The following CRISP1 variants were observed in gnomAD, a reference collection of about 807,000 sequenced individuals.
CRISP1 encodes cysteine rich secretory protein 1, also known as cysteine-rich secretory protein 1.
CRISP1 carries 44 observed loss-of-function variants against 33.1 expected under a neutral mutation model. That is an observed-to-expected ratio of 1.33 (90% CI 1.05 to 1.71). The LOEUF (loss-of-function observed/expected upper bound fraction) is 1.71. Among genes scored for constraint, CRISP1 ranks in the 40% most tolerant of loss-of-function variants. The pLI is 0.00. For synonymous variants in CRISP1, 103 were observed against 98.7 expected (o/e 1.04, Z -0.26); for missense variants, 390 against 301.2 (o/e 1.29, Z -2.18).
upstream of CRISP1, among the ~76,000 whole-genome samples, chr6:49,869,037 T>C (rs1582287643): frequency 6.6e-6 from 1 of 152,290 alleles, no homozygotes; most frequent in East Asian, 1.9e-4. Context: ...AACTTTGTTT[T>C]AGTTGTCTAC....
intron 1 of CRISP1, among the ~76,000 whole-genome samples, chr6:49,859,518 T>C (rs1180026167): frequency 6.6e-6 from 1 of 152,076 alleles, no homozygotes; most frequent in Admixed American, 6.6e-5. Context: ...GGGAATTTAC[T>C]ACCATTAGAC....
rs373852138 is a variant in CRISP1, at chr6:49,835,281, C to A, written c.*35G>T. 2 of 1,601,634 alleles carry A rather than the reference C, an allele frequency of 1.2e-6. No homozygotes were observed. The highest frequency in any genetic ancestry group is 3.4e-5 in the Admixed American group (2 of 58,724). ...AATCCAACAGACATCTCCTCCTCAT[C>A]GTCACAGCATAGAACAGTTGAAAAT... On this transcript the variant is annotated 3_prime_UTR_variant, in exon 8 of 8. Transcript: ENST00000335847.
intron 3 of CRISP1, among the ~76,000 whole-genome samples, chr6:49,850,531 G>A (rs1046808478): frequency 7.9e-5 from 12 of 151,836 alleles, no homozygotes; most frequent in Admixed American, 7.2e-4. Context: ...TGGTAATTGT[G>A]GTTAACTCTT....
intron 2 of CRISP1, among the ~76,000 whole-genome samples, chr6:49,854,559 A>G (rs1771441528): frequency 2.0e-5 from 3 of 152,128 alleles, no homozygotes; most frequent in African/African-American, 7.2e-5. Context: ...TAAAACAGAT[A>G]AACAAGCAAC....
At chr6:49,845,085 C>T (rs926684767) in intron 5 of CRISP1, among the ~76,000 whole-genome samples, 4 of 152,062 alleles carry the variant, frequency 2.6e-5, no homozygotes, top group Non-Finnish European at 4.4e-5. Flanking sequence ...GAATTCTTCC[C>T]CCAAAATTCG....
intron 1 of CRISP1, among the ~76,000 whole-genome samples, chr6:49,862,699 C>T (rs139942002): frequency 3.8e-4 from 57 of 151,850 alleles, no homozygotes; most frequent in Non-Finnish European, 7.2e-4. Flanking sequence ...GGCAACTATG[C>T]TAAGGGAAAC....
intron 5 of CRISP1, among the ~76,000 whole-genome samples, chr6:49,843,364 C>G (rs1413663810): frequency 6.6e-6 from 1 of 152,054 alleles, no homozygotes; most frequent in African/African-American, 2.4e-5. Context: ...GATTATGCCT[C>G]TTTTTTATAT....
At chr6:49,837,465 G>A (rs1770838034) in intron 7 of CRISP1, among the ~76,000 whole-genome samples, 1 of 151,070 alleles carries the variant, frequency 6.6e-6, no homozygotes, top group African/African-American at 2.4e-5. Context: ...TTCCCGGTGG[G>A]GAGGAATCTC....
At chr6:49,866,840 T>G (rs1771810590), upstream of CRISP1, among the ~76,000 whole-genome samples, 1 of 152,152 alleles carries the variant, frequency 6.6e-6, no homozygotes. Flanking sequence ...TTTATTAAAT[T>G]CATTCAGTAA....
chr6:49,844,283 C>T (rs370944547), intron 5 of CRISP1, among the ~76,000 whole-genome samples: 3 of 152,144 alleles, frequency 2.0e-5, no homozygotes, highest in Non-Finnish European at 4.4e-5. Flanking sequence ...CCAGTTTGAA[C>T]TAAAGTGGAC....
intron 1 of CRISP1, among the ~76,000 whole-genome samples, chr6:49,872,044 C>T (rs1359144136): frequency 3.3e-5 from 5 of 152,182 alleles, no homozygotes; most frequent in Admixed American, 3.3e-4. Flanking sequence ...TATTTCTCCA[C>T]ATCCTCTCCA....
chr6:49,846,738 AT>A, intron 4 of CRISP1, 70 bp from the exon 5 acceptor site: 1 of 1,450,622 alleles, frequency 6.9e-7, no homozygotes, highest in Non-Finnish European at 9.4e-7. Context: ...GACTTTCCTC[AT>A]TTTTATTTTA....
intron 1 of CRISP1, among the ~76,000 whole-genome samples, chr6:49,858,091 A>C (rs1771544005): frequency 1.3e-5 from 2 of 152,188 alleles, no homozygotes; most frequent in African/African-American, 4.8e-5. Context: ...GAAAGATTCT[A>C]TTTAAACTCT....
At chr6:49,872,343 T>C (rs1381316479) in intron 1 of CRISP1, among the ~76,000 whole-genome samples, 1 of 152,094 alleles carries the variant, frequency 6.6e-6, no homozygotes, top group Non-Finnish European at 1.5e-5. Context: ...TCTCCCATTT[T>C]GTAGGTTGCC....
chr6:49,875,252 T>C (rs1031777151), intron 1 of CRISP1, among the ~76,000 whole-genome samples: 6 of 151,760 alleles, frequency 4.0e-5, no homozygotes, highest in Non-Finnish European at 7.4e-5. Flanking sequence ...AAGTCAATAA[T>C]ATTCCTATAT....
At chr6:49,853,943 C>T (rs1771423769) in intron 2 of CRISP1, among the ~76,000 whole-genome samples, 1 of 152,096 alleles carries the variant, frequency 6.6e-6, no homozygotes, top group South Asian at 2.1e-4. Flanking sequence ...GTAAGATTGA[C>T]CTCAAATAGT....
At chr6:49,870,620 G>A (rs1771900747), upstream of CRISP1, among the ~76,000 whole-genome samples, 1 of 152,128 alleles carries the variant, frequency 6.6e-6, no homozygotes, top group Admixed American at 6.6e-5. Flanking sequence ...AGACAATTAT[G>A]CAAATTTATA....
chr6:49,852,148 T>C lies in CRISP1; in HGVS notation c.67-19A>G, dbSNP rs749523403. 1 of 1,606,516 alleles carries C rather than the reference T, an allele frequency of 6.2e-7. No homozygotes were observed. The highest frequency in any genetic ancestry group is 8.5e-7 in the Non-Finnish European group (1 of 1,177,052). ...ATTTCTTCTGTTACCAGAAAAATAT[T>C]AATTAGTGTTACTTCTTTTAAGTGG... On this transcript the variant is annotated intron_variant, in intron 2 of 7. Transcript: ENST00000335847.
chr6:49,840,998 G>T lies in CRISP1; in HGVS notation c.436-3C>A, dbSNP rs777056493. On this transcript the variant is annotated splice_region_variant and splice_polypyrimidine_tract_variant and intron_variant, in intron 5 of 7. Transcript: ENST00000335847. The stretch of plus-strand genomic sequence containing the variant: ...AGGTAAGATGTGGCCCAAACAATCT[G>T]CAATGATAAAGAGTTGTTTTATTAC... The T allele has an allele frequency of 1.9e-6, 3 of 1,611,178 alleles. No homozygotes were observed. The highest frequency in any genetic ancestry group is 1.1e-5 in the South Asian group (1 of 90,932).
Sources: allele counts gnomAD v4.1 joint callset (sites outside exome capture counted in the v4.1 genomes callset), GRCh38; gene constraint gnomAD v4.1.1; transcripts MANE v1.5; gene names NCBI Gene and HGNC (gene_info 2026-07-23, HGNC 2026-07-21).